SRRM4: variants seen among roughly 807,000 people sequenced by gnomAD.
The protein encoded by SRRM4 is serine/arginine repetitive matrix protein 4.
In SRRM4, 33 loss-of-function variants were observed where a neutral mutation model predicts 68.9. That is an observed-to-expected ratio of 0.48 (90% CI 0.36 to 0.64). The LOEUF (loss-of-function observed/expected upper bound fraction) is 0.64, where lower values mean the gene tolerates loss of function less well. SRRM4 is among the 30% of genes least tolerant of loss of function. The probability of loss-of-function intolerance (pLI) is 0.00; values close to 1 mark genes in which losing one functional copy is unlikely to be tolerated. For missense variants in SRRM4, 817 were observed against 827.1 expected, an observed-to-expected ratio of 0.99 and a Z score of 0.15; for synonymous variants, 318 against 318.8, an observed-to-expected ratio of 1.00 and a Z score of 0.03.
chr12:119,007,340 A>G (rs1953422506), intron 1 of SRRM4, among the ~76,000 whole-genome samples: 1 of 152,250 alleles, frequency 6.6e-6, no homozygotes, highest in Non-Finnish European at 1.5e-5. Flanking sequence ...ATTACTGCGC[A>G]GGAGAACAAA....
intron 9 of SRRM4, among the ~76,000 whole-genome samples, chr12:119,146,484 G>A (rs1954402850): frequency 6.6e-6 from 1 of 152,104 alleles, no homozygotes; most frequent in East Asian, 1.9e-4. Context: ...TACTCGGGAG[G>A]CTGAGGCAGG....
Position 118,981,744 on chromosome 12 carries a change from T to A in SRRM4, c.-139T>A, listed in dbSNP as rs1953248255. On this transcript the variant is annotated 5_prime_UTR_variant, in exon 1 of 13. Transcript: ENST00000267260. ...GGCTGGGGCGTCCCATCCCCCGCCCTGAACTCCGATCTCTCCCACCCCACC... is the reference window on the plus strand; with the variant it reads ...GGCTGGGGCGTCCCATCCCCCGCCCAGAACTCCGATCTCTCCCACCCCACC... 560 of 550,724 alleles carry A rather than the reference T, an allele frequency of 1.0e-3. No homozygotes were observed. Among genetic ancestry groups the A allele is most frequent in the East Asian group, 2.4e-3 (40 of 16,988 alleles). The allele number at this position is 550,724 out of a possible 1,614,324, so 34.1% of individuals were successfully genotyped here.
intron 1 of SRRM4, among the ~76,000 whole-genome samples, chr12:118,987,230 T>C (rs1017898824): frequency 6.6e-6 from 1 of 152,156 alleles, no homozygotes; most frequent in Non-Finnish European, 1.5e-5. Flanking sequence ...GTGAATGAGA[T>C]AATTTATATA....
At chr12:118,989,017 G>C (rs188017604) in intron 1 of SRRM4, among the ~76,000 whole-genome samples, 3 of 152,270 alleles carry the variant, frequency 2.0e-5, no homozygotes, top group Non-Finnish European at 4.4e-5. Flanking sequence ...AGTGTGGCTA[G>C]AGCAGAGTGA....
intron 1 of SRRM4, among the ~76,000 whole-genome samples, chr12:119,043,772 G>GCA (rs1263186273): frequency 2.4e-5 from 1 of 41,616 alleles, no homozygotes; most frequent in Non-Finnish European, 6.1e-5. Flanking sequence ...ACACATACAC[G>GCA]CATACACACA....
At chr12:119,055,153 G>C (rs1243546519) in intron 1 of SRRM4, among the ~76,000 whole-genome samples, 1 of 152,142 alleles carries the variant, frequency 6.6e-6, no homozygotes, top group African/African-American at 2.4e-5. Context: ...TATGCCCTCT[G>C]TGAAATCTTA....
intron 6 of SRRM4, among the ~76,000 whole-genome samples, chr12:119,122,830 A>G (rs1427203717): frequency 6.6e-6 from 1 of 152,084 alleles, no homozygotes; most frequent in African/African-American, 2.4e-5. Context: ...CACGTGTGTG[A>G]GCATGTGTAT....
intron 7 of SRRM4, among the ~76,000 whole-genome samples, chr12:119,127,902 G>A (rs117245687): frequency 6.6e-6 from 1 of 152,190 alleles, no homozygotes; most frequent in East Asian, 1.9e-4. Flanking sequence ...ATAATACTAC[G>A]TGCTATGCTG....
Position 119,038,207 on chromosome 12 carries a change from C to T in SRRM4, c.131+56194C>T, listed in dbSNP as rs199700491. ...GATTCTTTATCCTTGAAATTAAAAACTTTTTTTTTTTTTTTGAGACAGAGT... is the reference window on the plus strand; with the variant it reads ...GATTCTTTATCCTTGAAATTAAAAATTTTTTTTTTTTTTTTGAGACAGAGT... On this transcript the variant is annotated intron_variant, in intron 1 of 12. Coordinates refer to ENST00000267260, the MANE Select transcript of SRRM4 (RefSeq NM_194286.4). 3.5e-5 allele frequency among the ~76,000 whole-genome samples: 5 copies of T among 142,566 alleles called. No individual in the cohort carries two copies. In the East Asian group the frequency reaches 1.0e-3, roughly 30 times the overall value. The allele number at this position is 142,566 out of a possible 152,430, so 93.5% of individuals were successfully genotyped here. A position where few individuals can be genotyped will look rare whatever the true frequency, so the allele number is the denominator to read the frequency against.
chr12:119,114,451 G>A, intron 3 of SRRM4, 87 bp downstream of exon 3: 2 of 1,081,444 alleles, frequency 1.8e-6, no homozygotes, highest in East Asian at 2.6e-5. Context: ...GCTCCCTCTT[G>A]GGTTCAAATC....
chr12:119,052,856 G>A (rs1188268552), intron 1 of SRRM4, among the ~76,000 whole-genome samples: 4 of 152,200 alleles, frequency 2.6e-5, no homozygotes, highest in Non-Finnish European at 5.9e-5. Flanking sequence ...GAGAGACAGA[G>A]AGGACGTGGT....
Position 119,150,309 on chromosome 12 carries a change from T to TA in SRRM4, c.1077-703dup, listed in dbSNP as rs1209411880. Among the ~76,000 whole-genome samples the TA allele has an allele frequency of 7.2e-5, 11 of 152,090 alleles. No homozygotes were observed. In the East Asian group the frequency reaches 2.1e-3, roughly 29 times the overall value. ...CAACATAGTGAAACCCCATCTCTACTAAAAATACAAAAATTGGCTGGGTGT... is the reference window on the plus strand; with the variant it reads ...CAACATAGTGAAACCCCATCTCTACTAAAAAATACAAAAATTGGCTGGGTGT... On this transcript the variant is annotated intron_variant, in intron 9 of 12. Transcript: ENST00000267260.
intron 1 of SRRM4, among the ~76,000 whole-genome samples, chr12:118,983,524 C>A (rs559900709): frequency 6.6e-6 from 1 of 152,330 alleles, no homozygotes; most frequent in South Asian, 2.1e-4. Flanking sequence ...TTTCTGCTAT[C>A]TATTCCACCT....
At chr12:119,073,237 C>T (rs1336302039) in intron 1 of SRRM4, among the ~76,000 whole-genome samples, 1 of 151,860 alleles carries the variant, frequency 6.6e-6, no homozygotes, top group African/African-American at 2.4e-5. Flanking sequence ...GATCCTGGCA[C>T]TACTCCTTAC....
chr12:119,156,167 G>T (rs777415590), intron 12 of SRRM4, among the ~76,000 whole-genome samples: 1 of 152,142 alleles, frequency 6.6e-6, no homozygotes, highest in Non-Finnish European at 1.5e-5. Context: ...ATAAATAGAT[G>T]GTTCTAGTAA....
intron 1 of SRRM4, among the ~76,000 whole-genome samples, chr12:118,987,326 A>T (rs1953288839): frequency 6.6e-6 from 1 of 152,152 alleles, no homozygotes; most frequent in Middle Eastern, 3.2e-3. Context: ...ACCCAACGAG[A>T]TGCAGAGAGG....
intron 1 of SRRM4, among the ~76,000 whole-genome samples, chr12:119,083,195 A>C (rs1372371999): frequency 6.6e-6 from 1 of 151,732 alleles, no homozygotes; most frequent in Non-Finnish European, 1.5e-5. Flanking sequence ...TTTCCCCCCA[A>C]CCACCCACAA....
intron 2 of SRRM4, among the ~76,000 whole-genome samples, chr12:119,113,298 A>G (rs140366660): frequency 7.1e-4 from 108 of 152,354 alleles, no homozygotes; most frequent in Middle Eastern, 3.4e-3. Flanking sequence ...TTGGCCACAC[A>G]AACAAGTTTG....
chr12:119,117,156 C>G (rs1260939487), intron 4 of SRRM4, 148 bp downstream of exon 4: 7 of 713,674 alleles, frequency 9.8e-6, no homozygotes, highest in Non-Finnish European at 1.2e-5. Context: ...CTTGTGTAAG[C>G]TGGGACTGTG....
Sources: allele counts gnomAD v4.1 joint callset (sites outside exome capture counted in the v4.1 genomes callset), GRCh38; gene constraint gnomAD v4.1.1; transcripts MANE v1.5; gene names NCBI Gene and HGNC (gene_info 2026-07-23, HGNC 2026-07-21).